Variants in PUM3 observed in about 807,000 individuals in gnomAD.
PUM3 encodes pumilio RNA binding family member 3.
Under a neutral mutation model 84.0 loss-of-function variants are expected in PUM3, and 91 were observed. The observed-to-expected ratio is 1.08, with a 90% confidence interval of 0.91 to 1.29. The LOEUF is 1.29. PUM3 is among the 50% of genes most tolerant of loss of function. The probability of loss-of-function intolerance (pLI) is 0.00; values close to 1 mark genes in which losing one functional copy is unlikely to be tolerated. For synonymous variants in PUM3, 321 were observed against 266.7 expected (o/e 1.20, Z -1.98); for missense variants, 1,067 against 767.5 (o/e 1.39, Z -4.61).
In PUM3 at chr9:2,826,267, G is replaced by A. The variant is rs536913602; in HGVS notation, c.1035+806C>T. On this transcript the variant is annotated intron_variant, in intron 10 of 17. Transcript: ENST00000397885. ...CTGAATATATTCAAATAATCATTGT[G>A]TCATTTCTGAGCATATAGTCCTGCC... Among the ~76,000 whole-genome samples the A allele has an allele frequency of 5.3e-5, 8 of 152,206 alleles. No individual in the cohort carries two copies. The East Asian group carries it at 1.5e-3, about 29-fold the overall frequency.
At position 2,828,732 on chromosome 9, in the gene PUM3, T is replaced by G. The variant is rs777185887; in HGVS notation, c.899A>C (p.Glu300Ala). ...TTCATCCATAATAAGTTCTAATTTT[T>G]CTGGCTGTACCTCTAACACTTTGTC... ...TLDKVLEVQP[E>A]KLELIMDEMK... The change falls in exon 9 of 18, where the codon GAA becomes GCA. Residue 300 changes from glutamate to alanine, a missense_variant. Glu to Ala is a moderately radical substitution (Grantham distance 107). Coordinates refer to ENST00000397885, the MANE Select transcript of PUM3 (RefSeq NM_014878.5). 1 of 1,610,228 alleles carries G rather than the reference T, an allele frequency of 6.2e-7. No homozygotes were observed.
chr9:2,811,712 T>C, intron 14 of PUM3, 129 bp from the exon 15 acceptor site: 1 of 657,652 alleles, frequency 1.5e-6, no homozygotes, highest in Non-Finnish European at 2.6e-6. Flanking sequence ...TCTATCTTTC[T>C]GTTAAGCATG....
intron 9 of PUM3, among the ~76,000 whole-genome samples, chr9:2,828,061 G>T (rs1430433920): frequency 6.6e-6 from 1 of 151,896 alleles, no homozygotes; most frequent in Non-Finnish European, 1.5e-5. Flanking sequence ...TTTTTTTAAA[G>T]CAAGGTCTCA....
intron 1 of PUM3, among the ~76,000 whole-genome samples, chr9:2,840,694 G>C (rs891424443): frequency 3.9e-5 from 6 of 152,214 alleles, no homozygotes; most frequent in African/African-American, 1.2e-4. Context: ...CCAGGGGGAA[G>C]TTTCTCAGGT....
chr9:2,835,078 T>C (rs541077035), intron 3 of PUM3, among the ~76,000 whole-genome samples: 3 of 151,938 alleles, frequency 2.0e-5, no homozygotes, highest in Non-Finnish European at 4.4e-5. Flanking sequence ...CACTGATAAT[T>C]TTCCCCTTGC....
intron 13 of PUM3, among the ~76,000 whole-genome samples, chr9:2,814,344 TG>T (rs1267321962): frequency 6.7e-6 from 1 of 150,046 alleles, no homozygotes; most frequent in African/African-American, 2.5e-5. Flanking sequence ...CCGGAGTAGC[TG>T]GGACTATAGG....
At chr9:2,814,643 A>G (rs1418915554) in intron 13 of PUM3, among the ~76,000 whole-genome samples, 1 of 152,244 alleles carries the variant, frequency 6.6e-6, no homozygotes, top group Non-Finnish European at 1.5e-5. Flanking sequence ...GCTTTGTTAT[A>G]TATTTTGTTA....
At chr9:2,814,665 G>T (rs1015922910) in intron 13 of PUM3, among the ~76,000 whole-genome samples, 1 of 152,144 alleles carries the variant, frequency 6.6e-6, no homozygotes, top group Admixed American at 6.5e-5. Context: ...TTTGTTGAAA[G>T]AAAGAGGTGA....
At chr9:2,820,361 AAT>A (rs1170014585) in intron 12 of PUM3, among the ~76,000 whole-genome samples, 1 of 152,176 alleles carries the variant, frequency 6.6e-6, no homozygotes, top group Non-Finnish European at 1.5e-5. Flanking sequence ...TTCATTACCA[AAT>A]AGTCTAAAAC....
At chr9:2,826,099 GTT>G (rs57188726) in intron 10 of PUM3, among the ~76,000 whole-genome samples, 8 of 143,330 alleles carry the variant, frequency 5.6e-5, no homozygotes, top group African/African-American at 1.8e-4. Context: ...TTCCCCGAAG[GTT>G]TTTTTTTTTT....
intron 5 of PUM3, among the ~76,000 whole-genome samples, chr9:2,832,461 C>T (rs1276131612): frequency 1.3e-5 from 2 of 152,114 alleles, no homozygotes; most frequent in Admixed American, 1.3e-4. Flanking sequence ...CTGGTTAACA[C>T]AATTCCTAGC....
chr9:2,828,543 T>G (rs1196534945), intron 9 of PUM3, 132 bp downstream of exon 9: 5 of 602,932 alleles, frequency 8.3e-6, no homozygotes, highest in Non-Finnish European at 1.5e-5. Flanking sequence ...AAACCAACAC[T>G]TTTGCACTCT....
intron 10 of PUM3, among the ~76,000 whole-genome samples, chr9:2,826,161 ATTACT>A (rs1377266371): frequency 6.6e-6 from 1 of 151,734 alleles, no homozygotes. Context: ...AATTTGTCTC[ATTACT>A]TTACACGCAT....
chr9:2,830,393 CA>C (rs1158372582), intron 7 of PUM3, among the ~76,000 whole-genome samples: 2 of 152,192 alleles, frequency 1.3e-5, no homozygotes, highest in Admixed American at 6.5e-5. Flanking sequence ...TTGGTCAAGA[CA>C]AGTACTAATT....
chr9:2,823,873 T>C, intron 11 of PUM3, 39 bp from the exon 12 acceptor site: 3 of 1,098,802 alleles, frequency 2.7e-6, no homozygotes, highest in Non-Finnish European at 2.7e-6. Flanking sequence ...TTTTCAGTTA[T>C]GTATTAAGGG....
At chr9:2,822,987 G>C (rs1279680824) in intron 12 of PUM3, among the ~76,000 whole-genome samples, 1 of 151,660 alleles carries the variant, frequency 6.6e-6, no homozygotes, top group African/African-American at 2.4e-5. Flanking sequence ...GTATTCCCCA[G>C]ATGCTAGTAG....
intron 13 of PUM3, among the ~76,000 whole-genome samples, chr9:2,813,112 C>G (rs527561620): frequency 1.3e-5 from 2 of 152,166 alleles, no homozygotes; most frequent in African/African-American, 2.4e-5. Context: ...CAGAAAGCCT[C>G]GACTAAGCAG....
At chr9:2,835,933 A>G (rs77153148) in intron 3 of PUM3, among the ~76,000 whole-genome samples, 2,122 of 152,322 alleles carry the variant, frequency 0.014, 41 homozygotes, top group African/African-American at 0.049. Context: ...AAATGCAGGC[A>G]TCAAAAACTC....
At chr9:2,841,298 T>C (rs1487496332) in intron 1 of PUM3, among the ~76,000 whole-genome samples, 1 of 152,190 alleles carries the variant, frequency 6.6e-6, no homozygotes, top group African/African-American at 2.4e-5. Context: ...CAAAGTTACT[T>C]AGAGGCTTGC....
Sources: gnomAD v4.1 joint callset for allele counts (sites outside exome capture counted in the v4.1 genomes callset) on GRCh38, gnomAD v4.1.1 for gene constraint, MANE v1.5 for transcripts, NCBI Gene and HGNC (gene_info 2026-07-23, HGNC 2026-07-21) for gene names.